ZNF462: variants seen among roughly 807,000 people sequenced by gnomAD.
ZNF462 encodes zinc finger PBX1-interacting protein.
In ZNF462, 10 loss-of-function variants were observed where a neutral mutation model predicts 201.9. That is an observed-to-expected ratio of 0.05 (90% CI 0.03 to 0.08). The LOEUF is 0.08. ZNF462 is among the 10% of genes least tolerant of loss of function. The pLI is 1.00. For missense variants in ZNF462, 2,523 were observed against 3,168.3 expected (o/e 0.80, Z 4.89); for synonymous variants, 1,227 against 1,193.3 (o/e 1.03, Z -0.58).
At position 106,974,924 on chromosome 9, in the gene ZNF462, A is replaced by G. The variant is rs1243055934; in HGVS notation, c.6832+651A>G. ...TGGGTAAAGTGTCCAGTGGTTTTTC[A>G]TAATGGATGCATAATGACTGCTCAA... On this transcript the variant is annotated intron_variant, in intron 9 of 12. Transcript: ENST00000277225. This position sits in a 1 kb window ranked among gnomAD's most constrained non-coding sequence, Gnocchi z 4.0. The G allele has an allele frequency of 1.3e-5, 2 of 152,538 alleles. No homozygotes were observed. Among genetic ancestry groups the G allele is most frequent in the African/African-American group, 4.8e-5 (2 of 41,452 alleles). 9.4% of individuals were successfully genotyped at this position (152,538 alleles called of 1,614,324 possible).
At chr9:106,869,890 C>A (rs1827512794) in intron 1 of ZNF462, among the ~76,000 whole-genome samples, 1 of 151,936 alleles carries the variant, frequency 6.6e-6, no homozygotes, top group South Asian at 2.1e-4. Context: ...ATTGTATTTG[C>A]AGTATGCTAG....
chr9:106,915,491 A>G (rs1829734853), intron 1 of ZNF462, among the ~76,000 whole-genome samples: 1 of 152,206 alleles, frequency 6.6e-6, no homozygotes, highest in Non-Finnish European at 1.5e-5. Context: ...CTTAGCTTTC[A>G]TTTTTAGAAC....
At chr9:106,997,527 T>C (rs868475691) in intron 10 of ZNF462, among the ~76,000 whole-genome samples, 1 of 152,226 alleles carries the variant, frequency 6.6e-6, no homozygotes, top group Non-Finnish European at 1.5e-5. Context: ...CATTTGGGAC[T>C]GTATGGACAA....
chr9:107,007,714 C>T (rs1018221762), intron 11 of ZNF462, among the ~76,000 whole-genome samples: 34 of 152,144 alleles, frequency 2.2e-4, no homozygotes, highest in African/African-American at 8.2e-4. Flanking sequence ...GGTGTTTCTG[C>T]TAGACATCCC....
In ZNF462 at chr9:106,876,879, G is replaced by A. The variant is rs1023616629; in HGVS notation, c.-31+13524G>A. Among the ~76,000 whole-genome samples, 2 of 152,162 alleles carry A rather than the reference G, an allele frequency of 1.3e-5. No homozygotes were observed. Among genetic ancestry groups the A allele is most frequent in the Admixed American group, 6.5e-5 (1 of 15,276 alleles). On this transcript the variant is annotated intron_variant, in intron 1 of 12. Transcript: ENST00000277225. The surrounding 1 kb of genome is among the most constrained non-coding windows in gnomAD (Gnocchi z 4.9). ...TATAAATGTTGTCTGCCTCACTGTT[G>A]CTCTACTCACATACATATCTCTTAG...
intron 1 of ZNF462, among the ~76,000 whole-genome samples, chr9:106,908,906 TATACATATATATATATATATA>T: frequency 1.3e-5 from 1 of 76,760 alleles, no homozygotes; most frequent in Non-Finnish European, 2.4e-5. Flanking sequence ...TTTGCCCATA[TATACATATATATATATATATA>T]TATATATATA....
chr9:107,001,631 T>G (rs1829191979), intron 10 of ZNF462, among the ~76,000 whole-genome samples: 1 of 152,134 alleles, frequency 6.6e-6, no homozygotes, highest in Non-Finnish European at 1.5e-5. Flanking sequence ...GTTAGTAAGG[T>G]GCTACAAGCA....
chr9:106,932,278 C>T lies in ZNF462; in HGVS notation c.6013-168C>T, dbSNP rs1382499756. The T allele has an allele frequency of 5.2e-6, 8 of 1,551,084 alleles. No homozygotes were observed. Among genetic ancestry groups the T allele is most frequent in the Non-Finnish European group, 7.0e-6 (8 of 1,147,082 alleles). The stretch of plus-strand genomic sequence containing the variant: ...GTTCTCTTAGCAGGAGGCGGATGAC[C>T]CTGCCCACTTGTTCCTGGATGGATT... On this transcript the variant is annotated intron_variant, in intron 4 of 12. Transcript: ENST00000277225. The surrounding 1 kb of genome is among the most constrained non-coding windows in gnomAD (Gnocchi z 6.8).
At chr9:106,940,699 C>A (rs1830830072) in intron 7 of ZNF462, among the ~76,000 whole-genome samples, 1 of 151,956 alleles carries the variant, frequency 6.6e-6, no homozygotes. Flanking sequence ...AGTGACCACA[C>A]AATCTCCTTA....
At chr9:106,888,377 T>A (rs1828424220) in intron 1 of ZNF462, among the ~76,000 whole-genome samples, 1 of 152,182 alleles carries the variant, frequency 6.6e-6, no homozygotes, top group African/African-American at 2.4e-5. Flanking sequence ...AGCTCTGTCA[T>A]GGTTATCTTT....
rs889132858 is a variant in ZNF462, at chr9:106,981,652, A to C, written c.6833-2534A>C. Among the ~76,000 whole-genome samples, 5 of 152,218 alleles carry C rather than the reference A, an allele frequency of 3.3e-5. No homozygotes were observed. Among genetic ancestry groups the C allele is most frequent in the African/African-American group, 1.2e-4 (5 of 41,454 alleles). On this transcript the variant is annotated intron_variant, in intron 9 of 12. Coordinates refer to ENST00000277225, the MANE Select transcript of ZNF462 (RefSeq NM_021224.6). This position sits in a 1 kb window ranked among gnomAD's most constrained non-coding sequence, Gnocchi z 4.0. Reference sequence around the variant, plus strand: ...TGAACTTCAGGGTGTTATTCTGACTATTCATGACTTTGTGTAAAATTCACT... The same window carrying C: ...TGAACTTCAGGGTGTTATTCTGACTCTTCATGACTTTGTGTAAAATTCACT...
At chr9:106,882,127 C>G (rs1317883434) in intron 1 of ZNF462, among the ~76,000 whole-genome samples, 2 of 152,128 alleles carry the variant, frequency 1.3e-5, no homozygotes, top group Non-Finnish European at 2.9e-5. Context: ...GGAAAAAGAT[C>G]TTATTCAGTT....
At position 106,928,529 on chromosome 9, in the gene ZNF462, G is replaced by A. The variant is rs373931596; in HGVS notation, c.4617G>A (p.Pro1539=). ...GVLTHYQKRH[P]SIKVTAEDFV... Reference sequence around the variant, plus strand: ...TGACCCACTACCAGAAGCGACACCCGTCCATCAAGGTGACCGCTGAGGACT... The same window carrying A: ...TGACCCACTACCAGAAGCGACACCCATCCATCAAGGTGACCGCTGAGGACT... The change falls in exon 3 of 13, where the codon CCG becomes CCA. Residue 1539 remains proline (P), a synonymous_variant. Transcript: ENST00000277225. The surrounding 1 kb of genome is among the most constrained non-coding windows in gnomAD (Gnocchi z 9.3). The A allele has an allele frequency of 3.8e-5, 61 of 1,613,650 alleles. 1 individual carries two copies. In the Admixed American group the frequency reaches 5.5e-4, roughly 15 times the overall value.
rs188687879 is a variant in ZNF462, at chr9:106,916,919, C to T, written c.-30-6435C>T. ...AGTTCCCCTTTACAGACAATGAAGT[C>T]TAAAGCTACTGAGATATCAGCCTGC... On this transcript the variant is annotated intron_variant, in intron 1 of 12. Transcript: ENST00000277225. Among the ~76,000 whole-genome samples, 19 of 152,332 alleles carry T rather than the reference C, an allele frequency of 1.2e-4. No homozygotes were observed. The East Asian group carries it at 3.5e-3, about 28-fold the overall frequency.
chr9:107,008,010 A>T lies in ZNF462; in HGVS notation c.7190-1535A>T, dbSNP rs899747831. Among the ~76,000 whole-genome samples, 1 of 152,094 alleles carries T rather than the reference A, an allele frequency of 6.6e-6. No individual in the cohort carries two copies. Among genetic ancestry groups the T allele is most frequent in the Non-Finnish European group, 1.5e-5 (1 of 68,000 alleles). On this transcript the variant is annotated intron_variant, in intron 11 of 12. Coordinates refer to ENST00000277225, the MANE Select transcript of ZNF462 (RefSeq NM_021224.6). This position sits in a 1 kb window ranked among gnomAD's most constrained non-coding sequence, Gnocchi z 4.8. ...CCACCCCACTCCCTACCTCCTTTCT[A>T]AATGCAAGTGCCGGACTGAATATGG...
At chr9:106,943,138 C>T (rs1002568119) in intron 7 of ZNF462, among the ~76,000 whole-genome samples, 1 of 150,484 alleles carries the variant, frequency 6.6e-6, no homozygotes, top group Non-Finnish European at 1.5e-5. Flanking sequence ...AGAAAGAACA[C>T]TTGGTTGTGA....
chr9:106,952,655 G>C (rs559012269), intron 7 of ZNF462, among the ~76,000 whole-genome samples: 1 of 152,298 alleles, frequency 6.6e-6, no homozygotes, highest in African/African-American at 2.4e-5. Flanking sequence ...GGAATGCATT[G>C]ATGAGTCCCA....
intron 1 of ZNF462, among the ~76,000 whole-genome samples, chr9:106,866,749 A>G (rs1827349799): frequency 1.3e-5 from 2 of 152,248 alleles, no homozygotes; most frequent in South Asian, 4.1e-4. Flanking sequence ...TAATGCATAA[A>G]TGGATGCACC....
At chr9:106,958,809 G>A (rs1457425068) in intron 7 of ZNF462, among the ~76,000 whole-genome samples, 1 of 152,132 alleles carries the variant, frequency 6.6e-6, no homozygotes, top group Non-Finnish European at 1.5e-5. Context: ...GAGAAAGAAA[G>A]CCATGGTGAA....
Sources: allele counts gnomAD v4.1 joint callset (sites outside exome capture counted in the v4.1 genomes callset), GRCh38; gene constraint gnomAD v4.1.1; non-coding constraint Gnocchi (gnomAD v3.1); transcripts MANE v1.5; gene names NCBI Gene and HGNC (gene_info 2026-07-23, HGNC 2026-07-21).